Variants in POLA1 observed in about 807,000 individuals in gnomAD.
POLA1 encodes DNA polymerase alpha catalytic subunit.
In POLA1, 15 loss-of-function variants were observed where a neutral mutation model predicts 124.0. That is an observed-to-expected ratio of 0.12 (90% CI 0.08 to 0.19). The LOEUF (loss-of-function observed/expected upper bound fraction) is 0.19. POLA1 is among the 10% of genes least tolerant of loss of function. POLA1 has a pLI of 1.00. For missense variants in POLA1, 886 were observed against 1,103.4 expected (o/e 0.80, Z 2.79); for synonymous variants, 408 against 389.4 (o/e 1.05, Z -0.56).
chrX:24,790,915 A>G (rs1020313490), intron 26 of POLA1, among the ~76,000 whole-genome samples: 25 of 95,099 alleles, frequency 2.6e-4, no homozygotes, highest in East Asian at 1.3e-3. Context: ...GTATATGTAT[A>G]TATATATATA....
chrX:24,950,943 C>T (rs901199394), intron 36 of POLA1, among the ~76,000 whole-genome samples: 26 of 111,753 alleles, frequency 2.3e-4, no homozygotes, highest in African/African-American at 6.2e-4. Context: ...ACTCTATCAG[C>T]GTTTATCATT....
intron 36 of POLA1, among the ~76,000 whole-genome samples, chrX:24,938,824 A>G (rs1019885284): frequency 8.9e-6 from 1 of 112,239 alleles, no homozygotes; most frequent in Non-Finnish European, 1.9e-5. Flanking sequence ...GAGAAACTAC[A>G]TTTTCCAAGA....
In POLA1 at chrX:24,814,966, T is replaced by G. The variant is rs756993887; in HGVS notation, c.3297-13T>G. ...CTGCTGTCTTTGTTTTGTTTTTTTT[T>G]TTTTTTTTGCAGCTTTGTGATTGGC... On this transcript the variant is annotated splice_polypyrimidine_tract_variant and intron_variant, in intron 29 of 36. Coordinates refer to ENST00000379068, the MANE Select transcript of POLA1 (RefSeq NM_001330360.2). 7.4e-6 allele frequency: 8 copies of G among 1,080,927 alleles called. No homozygotes were observed. The East Asian group carries it at 2.3e-4, about 31-fold the overall frequency. 89.1% of individuals were successfully genotyped at this position (1,080,927 alleles called of 1,213,427 possible). A position where few individuals can be genotyped will look rare whatever the true frequency, so the allele number is the denominator to read the frequency against.
intron 34 of POLA1, among the ~76,000 whole-genome samples, chrX:24,857,922 A>G (rs914222126): frequency 3.6e-5 from 4 of 111,749 alleles, no homozygotes; most frequent in African/African-American, 1.3e-4. Context: ...TTAAAAATAC[A>G]TGTTAATGAA....
intron 34 of POLA1, among the ~76,000 whole-genome samples, chrX:24,848,459 G>T (rs2046504866): frequency 1.8e-5 from 2 of 111,844 alleles, no homozygotes; most frequent in South Asian, 7.5e-4. Context: ...GTTTTGTAGT[G>T]TATGAAGATT....
intron 35 of POLA1, among the ~76,000 whole-genome samples, chrX:24,916,646 C>G (rs7880378): frequency 2.9e-3 from 323 of 111,640 alleles, no homozygotes; most frequent in African/African-American, 0.01. Context: ...ACTTCCCATA[C>G]TTTGAGACCT....
chrX:24,786,487 ATTTATTTTTATTT>A (rs977939692), intron 26 of POLA1, among the ~76,000 whole-genome samples: 3 of 109,455 alleles, frequency 2.7e-5, no homozygotes, highest in African/African-American at 6.7e-5. Context: ...TCCTTTGCCC[ATTTATTTTTATTT>A]TTTATTTTTA....
At chrX:24,720,772 G>T (rs1345298231) in intron 10 of POLA1, among the ~76,000 whole-genome samples, 1 of 112,384 alleles carries the variant, frequency 8.9e-6, no homozygotes, top group Non-Finnish European at 1.9e-5. Flanking sequence ...GCATTGTTTT[G>T]CAGGGTAAGG....
At chrX:24,827,985 C>T (rs1289808353) in intron 32 of POLA1, among the ~76,000 whole-genome samples, 1 of 112,013 alleles carries the variant, frequency 8.9e-6, no homozygotes, top group Non-Finnish European at 1.9e-5. Context: ...TTCTGAGCTC[C>T]TCCCTGCTAC....
At chrX:24,927,901 A>G (rs2047718337) in intron 35 of POLA1, among the ~76,000 whole-genome samples, 1 of 112,099 alleles carries the variant, frequency 8.9e-6, no homozygotes, top group African/African-American at 3.2e-5. Flanking sequence ...GGCAAAAGAG[A>G]AAAGATGGTA....
intron 35 of POLA1, among the ~76,000 whole-genome samples, chrX:24,918,663 A>G (rs1258074274): frequency 9.0e-6 from 1 of 111,605 alleles, no homozygotes; most frequent in African/African-American, 3.3e-5. Flanking sequence ...AGTCTGGGTG[A>G]TTTATTAAAA....
intron 26 of POLA1, among the ~76,000 whole-genome samples, chrX:24,778,641 A>G (rs779224152): frequency 7.2e-4 from 81 of 112,279 alleles, no homozygotes; most frequent in Admixed American, 2.4e-3. Flanking sequence ...AATCTAGCTA[A>G]TATGAGTTTT....
intron 35 of POLA1, among the ~76,000 whole-genome samples, chrX:24,915,043 A>G (rs746372592): frequency 8.0e-5 from 9 of 111,830 alleles, no homozygotes; most frequent in African/African-American, 2.9e-4. Context: ...TGCATTCACA[A>G]ATGTTAAACA....
intron 26 of POLA1, among the ~76,000 whole-genome samples, chrX:24,782,589 TGTGCAA>T (rs1433737591): frequency 9.0e-6 from 1 of 111,595 alleles, no homozygotes; most frequent in Non-Finnish European, 1.9e-5. Flanking sequence ...CCTTAGCCAT[TGTGCAA>T]GTGCGTTTTT....
At chrX:24,709,282 A>G (rs1199758258) in intron 4 of POLA1, among the ~76,000 whole-genome samples, 84 of 50,334 alleles carry the variant, frequency 1.7e-3, no homozygotes, top group African/African-American at 4.0e-3. Flanking sequence ...ACGGCTGGCC[A>G]GGCGGGGGGC....
At position 24,714,604 on chromosome X, in the gene POLA1, G is replaced by A. The variant is rs1313362497; in HGVS notation, c.397G>A (p.Ala133Thr). The change falls in exon 5 of 37, where the codon GCA (alanine) becomes ACA (threonine). Residue 133 changes from alanine (A) to threonine (T), a missense_variant. Physicochemically the swap from Ala to Thr is moderately conservative, Grantham distance 58 (BLOSUM62 0). This residue lies in a region of POLA1 where 337 missense variants were observed against 402.8 expected (regional missense o/e 0.84). Transcript: ENST00000379068. Reference protein sequence around the residue: ...NKDKRNVKKLAVTKPNNIKSM... With the variant: ...NKDKRNVKKLTVTKPNNIKSM... ...AGACAAGAGGAATGTAAAGAAGCTC[G>A]CAGTGACAAAACCGAACAACATTAA... 8 of 1,200,351 alleles carry A rather than the reference G, an allele frequency of 6.7e-6. No individual in the cohort carries two copies. In the African/African-American group the frequency reaches 7.0e-5, roughly 10 times the overall value.
chrX:24,886,014 A>G (rs2047060888), intron 34 of POLA1, among the ~76,000 whole-genome samples: 1 of 112,185 alleles, frequency 8.9e-6, no homozygotes, highest in Non-Finnish European at 1.9e-5. Context: ...TACACCCTCA[A>G]AATTAAACAG....
chrX:24,940,086 C>T (rs1472118709), intron 36 of POLA1, among the ~76,000 whole-genome samples: 4 of 111,768 alleles, frequency 3.6e-5, no homozygotes, highest in Non-Finnish European at 7.5e-5. Context: ...AGAGAGCATA[C>T]TCCTTTCTAC....
At chrX:24,910,333 G>A (rs779585507) in intron 35 of POLA1, among the ~76,000 whole-genome samples, 31 of 109,361 alleles carry the variant, frequency 2.8e-4, no homozygotes, top group Admixed American at 1.6e-3. Flanking sequence ...TTCAAAGGGA[G>A]TGCTTCCAGT....
Sources: gnomAD v4.1 joint callset for allele counts (sites outside exome capture counted in the v4.1 genomes callset) on GRCh38, gnomAD v4.1.1 for gene constraint, gnomAD v4.1.1 regional missense constraint, MANE v1.5 for transcripts, NCBI Gene and HGNC (gene_info 2026-07-23, HGNC 2026-07-21) for gene names.